The following UGP2 variants were observed in gnomAD, a reference collection of about 807,000 sequenced individuals.
The protein encoded by UGP2 is UTP--glucose-1-phosphate uridylyltransferase.
In UGP2, 40 loss-of-function variants were observed where a neutral mutation model predicts 49.0. The ratio of observed to expected loss-of-function variants is 0.82; its 90% CI spans 0.63 to 1.06. The LOEUF is 1.06. Ranked by LOEUF, UGP2 falls within the 50% of genes least tolerant of loss-of-function variation. The pLI is 0.00. For missense variants in UGP2, 460 were observed against 603.5 expected (o/e 0.76, Z 2.49); for synonymous variants, 225 against 213.0 (o/e 1.06, Z -0.49).
intron 3 of UGP2, among the ~76,000 whole-genome samples, chr2:63,860,635 C>A (rs527355864): frequency 8.5e-5 from 13 of 152,132 alleles, no homozygotes; most frequent in Non-Finnish European, 4.4e-5. Context: ...TGTTCTGTCA[C>A]TCAGGCTGGA....
chr2:63,858,032 A>G, intron 3 of UGP2, 96 bp downstream of exon 3: 2 of 1,098,322 alleles, frequency 1.8e-6, no homozygotes, highest in Non-Finnish European at 2.7e-6. Flanking sequence ...TATAACAATC[A>G]TGTGAGACAA....
At chr2:63,865,186 G>A (rs1670096688) in intron 3 of UGP2, among the ~76,000 whole-genome samples, 1 of 152,150 alleles carries the variant, frequency 6.6e-6, no homozygotes, top group Non-Finnish European at 1.5e-5. Context: ...AATAAAGACA[G>A]TCACTCCCCT....
Position 63,891,347 on chromosome 2 carries a change from A to G in UGP2, c.*120A>G. On this transcript the variant is annotated 3_prime_UTR_variant, in exon 10 of 10. Coordinates refer to ENST00000337130, the MANE Select transcript of UGP2 (RefSeq NM_006759.4). ...ACTGTACCCTGCAGTGTTGATTTTT[A>G]AAATAGAGTTTTCTGCAGTATGCTT... The G allele has an allele frequency of 1.4e-6, 1 of 698,148 alleles. No individual in the cohort carries two copies. The highest frequency in any genetic ancestry group is 2.2e-6 in the Non-Finnish European group (1 of 450,084). 43.2% of individuals were successfully genotyped at this position (698,148 alleles called of 1,614,324 possible).
intron 1 of UGP2, among the ~76,000 whole-genome samples, chr2:63,849,020 C>T (rs967570464): frequency 2.6e-5 from 4 of 152,130 alleles, no homozygotes; most frequent in African/African-American, 9.7e-5. Context: ...GAGAAATTGG[C>T]TATGTTGTCT....
rs1480100115 is a variant in UGP2 at position 63,858,835 on chromosome 2, G to T, written c.255+899G>T. ...CAGTCAGATTCTTAAAAATGTTTGG[G>T]AACAGCCTAAAATTATAATAAATTT... is the stretch of plus-strand genomic sequence containing the variant. On this transcript the variant is annotated intron_variant, in intron 3 of 9. Transcript: ENST00000337130. 2.6e-5 allele frequency among the ~76,000 whole-genome samples: 4 copies of T among 151,450 alleles called. No homozygotes were observed. The East Asian group carries it at 7.7e-4, about 29-fold the overall frequency.
intron 1 of UGP2, among the ~76,000 whole-genome samples, chr2:63,850,460 ACTTTT>A (rs1361462314): frequency 6.6e-6 from 1 of 152,208 alleles, no homozygotes; most frequent in African/African-American, 2.4e-5. Flanking sequence ...AATTGAATTT[ACTTTT>A]CTTAATTTAT....
chr2:63,862,456 A>G (rs941370203), intron 3 of UGP2, among the ~76,000 whole-genome samples: 1 of 152,160 alleles, frequency 6.6e-6, no homozygotes, highest in Admixed American at 6.5e-5. Context: ...TCCTTCGTGT[A>G]CAGGACTTTC....
At chr2:63,874,191 T>A (rs1670754053) in intron 3 of UGP2, among the ~76,000 whole-genome samples, 1 of 152,144 alleles carries the variant, frequency 6.6e-6, no homozygotes, top group Admixed American at 6.5e-5. Flanking sequence ...AAAAATGATG[T>A]TGGGGTAGGC....
At chr2:63,858,124 C>T (rs756456507) in intron 3 of UGP2, among the ~76,000 whole-genome samples, 188 bp downstream of exon 3, 11 of 152,182 alleles carry the variant, frequency 7.2e-5, no homozygotes, top group African/African-American at 1.4e-4. Context: ...TCTTTTAGAC[C>T]TCTGAGTCTT....
intron 1 of UGP2, among the ~76,000 whole-genome samples, chr2:63,843,006 C>T (rs1242903447): frequency 6.6e-6 from 1 of 152,172 alleles, no homozygotes; most frequent in African/African-American, 2.4e-5. Context: ...TAAACTCTTT[C>T]CTTGTAGACT....
At chr2:63,851,148 C>G (rs1234070279) in intron 1 of UGP2, among the ~76,000 whole-genome samples, 1 of 152,140 alleles carries the variant, frequency 6.6e-6, no homozygotes, top group Non-Finnish European at 1.5e-5. Flanking sequence ...AATATTTAAA[C>G]TGAACTCTGA....
intron 3 of UGP2, among the ~76,000 whole-genome samples, chr2:63,876,032 G>C (rs535906742): frequency 6.6e-6 from 1 of 152,102 alleles, no homozygotes; most frequent in East Asian, 1.9e-4. Flanking sequence ...TCTCCTGGGG[G>C]AGCTAAGTAG....
chr2:63,842,141 T>C lies in UGP2; in HGVS notation c.-45T>C, dbSNP rs780908779. 3.5e-5 allele frequency: 53 copies of C among 1,531,494 alleles called. No individual in the cohort carries two copies. In the South Asian group the frequency reaches 6.2e-4, roughly 18 times the overall value. The allele number at this position is 1,531,494 out of a possible 1,614,324, so 94.9% of individuals were successfully genotyped here. A position where few individuals can be genotyped will look rare whatever the true frequency, so the allele number is the denominator to read the frequency against. On this transcript the variant is annotated 5_prime_UTR_variant, in exon 1 of 10. Coordinates refer to ENST00000337130, the MANE Select transcript of UGP2 (RefSeq NM_006759.4). ...GACCTGCCCTGTAGCGTGACTCCTC[T>C]AGAAAAAAAAAAAAAAAGCCGGAGT...
chr2:63,872,261 C>G (rs944531465), intron 3 of UGP2, among the ~76,000 whole-genome samples: 13 of 152,150 alleles, frequency 8.5e-5, no homozygotes, highest in Non-Finnish European at 1.0e-4. Flanking sequence ...TAAGTTACAC[C>G]TTTTATGTAC....
At chr2:63,883,876 G>T in intron 4 of UGP2, 84 bp from the exon 5 acceptor site, 2 of 1,487,270 alleles carry the variant, frequency 1.3e-6, no homozygotes, top group Non-Finnish European at 1.8e-6. Flanking sequence ...GATATTTTAT[G>T]ATTTAACCAT....
intron 3 of UGP2, among the ~76,000 whole-genome samples, chr2:63,868,765 G>C (rs111361912): frequency 5.3e-5 from 8 of 152,124 alleles, no homozygotes; most frequent in African/African-American, 1.9e-4. Context: ...GATCACCTGA[G>C]GTCAGGAGTT....
Position 63,890,190 on chromosome 2 carries a change from G to A in UGP2, c.1419+5G>A. 1 of 1,584,592 alleles carries A rather than the reference G, an allele frequency of 6.3e-7. No individual in the cohort carries two copies. Among genetic ancestry groups the A allele is most frequent in the Non-Finnish European group, 8.6e-7 (1 of 1,161,748 alleles). ...GGAAAAAATGTTTCATTAAAGGTAT[G>A]TTGTTACAATGAAAATTATATTTCT... is the stretch of plus-strand genomic sequence containing the variant. On this transcript the variant is annotated splice_donor_5th_base_variant and intron_variant, in intron 9 of 9. Coordinates refer to ENST00000337130, the MANE Select transcript of UGP2 (RefSeq NM_006759.4).
intron 3 of UGP2, among the ~76,000 whole-genome samples, chr2:63,865,043 C>A (rs1206232445): frequency 6.6e-6 from 1 of 152,176 alleles, no homozygotes; most frequent in African/African-American, 2.4e-5. Flanking sequence ...GTCACATCTC[C>A]CTGTCTGAAG....
chr2:63,876,732 C>G (rs1035643923), intron 3 of UGP2, among the ~76,000 whole-genome samples: 1 of 152,340 alleles, frequency 6.6e-6, no homozygotes, highest in East Asian at 1.9e-4. Context: ...AAATCTGGCA[C>G]TTACTTGAAT....
Sources: gnomAD v4.1 joint callset for allele counts (sites outside exome capture counted in the v4.1 genomes callset) on GRCh38, gnomAD v4.1.1 for gene constraint, MANE v1.5 for transcripts, NCBI Gene and HGNC (gene_info 2026-07-23, HGNC 2026-07-21) for gene names.